Variants in ZNF423 observed in about 807,000 individuals in gnomAD.
The protein encoded by ZNF423 is zinc finger protein 423, also known as Ebf-associated zinc finger protein.
ZNF423 carries 12 observed loss-of-function variants against 95.8 expected under a neutral mutation model. That is an observed-to-expected ratio of 0.13 (90% CI 0.08 to 0.20). The LOEUF (loss-of-function observed/expected upper bound fraction) is 0.20, where lower values mean the gene tolerates loss of function less well. Ranked by LOEUF, ZNF423 falls within the 10% of genes least tolerant of loss-of-function variation. The pLI is 1.00. For missense variants in ZNF423, 1,316 were observed against 1,737.1 expected (o/e 0.76, Z 4.31); for synonymous variants, 749 against 711.9 (o/e 1.05, Z -0.83).
intron 3 of ZNF423, among the ~76,000 whole-genome samples, chr16:49,681,214 G>C (rs1474526389): frequency 6.6e-6 from 1 of 152,184 alleles, no homozygotes; most frequent in Non-Finnish European, 1.5e-5. Context: ...GTGGATTTGG[G>C]GAAAACCAAC....
chr16:49,655,410 A>G (rs185220443), intron 3 of ZNF423, among the ~76,000 whole-genome samples: 84 of 152,302 alleles, frequency 5.5e-4, no homozygotes, highest in Non-Finnish European at 9.7e-4. Context: ...TCACTAGCCT[A>G]TAAGCAGAAC....
chr16:49,491,452 G>A, intron 7 of ZNF423, 148 bp from the exon 8 acceptor site: 1 of 973,090 alleles, frequency 1.0e-6, no homozygotes, highest in Non-Finnish European at 1.6e-6. Context: ...GTGCTCCAGG[G>A]ACGCAGCTGC....
intron 1 of ZNF423, among the ~76,000 whole-genome samples, chr16:49,804,761 G>T (rs917954737): frequency 2.6e-5 from 4 of 152,164 alleles, no homozygotes; most frequent in Non-Finnish European, 4.4e-5. Flanking sequence ...GGCAAATCAG[G>T]TAACACACCA....
intron 1 of ZNF423, among the ~76,000 whole-genome samples, chr16:49,815,200 A>G (rs2034818007): frequency 6.6e-6 from 1 of 152,188 alleles, no homozygotes; most frequent in Non-Finnish European, 1.5e-5. Context: ...TAGGCTGCTC[A>G]GTAAATTTGG....
intron 5 of ZNF423, among the ~76,000 whole-genome samples, chr16:49,609,284 G>A (rs915165836): frequency 6.6e-5 from 10 of 152,130 alleles, no homozygotes; most frequent in African/African-American, 2.4e-4. Context: ...GATCCACAGT[G>A]TCATTATGTA....
At chr16:49,524,249 T>C (rs7200214) in intron 6 of ZNF423, among the ~76,000 whole-genome samples, 1,585 of 152,306 alleles carry the variant, frequency 0.01, 27 homozygotes, top group African/African-American at 0.036. Flanking sequence ...GTCCCACTGC[T>C]AGCAAGTGGC....
chr16:49,738,530 A>G (rs2033342928), intron 2 of ZNF423, among the ~76,000 whole-genome samples: 1 of 152,180 alleles, frequency 6.6e-6, no homozygotes, highest in Non-Finnish European at 1.5e-5. Context: ...GGCTCACCTG[A>G]ATGCATGGCC....
chr16:49,528,248 G>C (rs1325636351), intron 5 of ZNF423, among the ~76,000 whole-genome samples: 1 of 152,012 alleles, frequency 6.6e-6, no homozygotes, highest in Non-Finnish European at 1.5e-5. Context: ...ATGTCTGACA[G>C]TCACTTTCCG....
At chr16:49,696,905 A>G (rs1173785380) in intron 3 of ZNF423, among the ~76,000 whole-genome samples, 1 of 152,178 alleles carries the variant, frequency 6.6e-6, no homozygotes, top group Admixed American at 6.5e-5. Context: ...GAGCGCTTTC[A>G]GGAGGGGGGC....
intron 2 of ZNF423, among the ~76,000 whole-genome samples, chr16:49,775,859 G>A (rs541093834): frequency 3.3e-5 from 5 of 152,288 alleles, no homozygotes; most frequent in Admixed American, 2.6e-4. Flanking sequence ...TGCCCTTAAC[G>A]CTCGTGTCTT....
intron 1 of ZNF423, among the ~76,000 whole-genome samples, chr16:49,815,879 AAAATATATATATATATATATAT>A (rs2034834965): frequency 1.7e-5 from 1 of 59,624 alleles, no homozygotes; most frequent in East Asian, 5.6e-4. Context: ...ACAAAAAAAA[AAAATATATATATATATATATAT>A]ATATATATAT....
intron 3 of ZNF423, among the ~76,000 whole-genome samples, chr16:49,645,057 T>C (rs539785237): frequency 6.8e-4 from 104 of 152,318 alleles, no homozygotes; most frequent in South Asian, 3.3e-3. Flanking sequence ...ATCTTCATGA[T>C]AGACACAAAA....
chr16:49,831,280 T>G (rs1216893274), intron 1 of ZNF423, among the ~76,000 whole-genome samples: 1 of 152,190 alleles, frequency 6.6e-6, no homozygotes, highest in African/African-American at 2.4e-5. Context: ...CTTTATTCAT[T>G]TTATCTTTGT....
chr16:49,563,085 C>T (rs2151772202), intron 5 of ZNF423, among the ~76,000 whole-genome samples: 1 of 152,292 alleles, frequency 6.6e-6, no homozygotes, highest in South Asian at 2.1e-4. Flanking sequence ...GCCCACACAG[C>T]CAGCTGTACG....
chr16:49,501,433 G>A (rs1357804234), intron 7 of ZNF423, among the ~76,000 whole-genome samples: 3 of 152,194 alleles, frequency 2.0e-5, no homozygotes, highest in Non-Finnish European at 4.4e-5. Flanking sequence ...TGGTGGGAAT[G>A]CAGATTAGTT....
intron 7 of ZNF423, among the ~76,000 whole-genome samples, chr16:49,506,509 G>T (rs1337830737): frequency 7.6e-6 from 1 of 131,828 alleles, no homozygotes; most frequent in African/African-American, 3.1e-5. Flanking sequence ...ATGGTGTGTA[G>T]GTGATGGACA....
At chr16:49,541,265 G>C (rs544849302) in intron 5 of ZNF423, among the ~76,000 whole-genome samples, 1 of 152,324 alleles carries the variant, frequency 6.6e-6, no homozygotes, top group African/African-American at 2.4e-5. Context: ...GCTTTCTAGA[G>C]ACAAACAACA....
chr16:49,526,099 G>A (rs1407096153), intron 5 of ZNF423, among the ~76,000 whole-genome samples: 1 of 152,104 alleles, frequency 6.6e-6, no homozygotes, highest in East Asian at 1.9e-4. Context: ...TGCCATGCTG[G>A]ACAGGCTTGA....
chr16:49,752,285 C>T (rs1420582807), intron 2 of ZNF423, among the ~76,000 whole-genome samples: 1 of 152,236 alleles, frequency 6.6e-6, no homozygotes, highest in Non-Finnish European at 1.5e-5. Flanking sequence ...AGGGGGTGCA[C>T]ACCAGTGGCC....
Sources: gnomAD v4.1 joint callset for allele counts (sites outside exome capture counted in the v4.1 genomes callset) on GRCh38, gnomAD v4.1.1 for gene constraint, MANE v1.5 for transcripts, NCBI Gene and HGNC (gene_info 2026-07-23, HGNC 2026-07-21) for gene names.